DCAF1: variants seen among roughly 807,000 people sequenced by gnomAD.
DCAF1 encodes the protein DDB1 and CUL4 associated factor 1.
Under a neutral mutation model 128.0 loss-of-function variants are expected in DCAF1, and 15 were observed. The observed-to-expected ratio is 0.12, with a 90% confidence interval of 0.08 to 0.18. The LOEUF (loss-of-function observed/expected upper bound fraction) is 0.18, where lower values mean the gene tolerates loss of function less well. Among genes scored for constraint, DCAF1 ranks in the 10% least tolerant of loss-of-function variants. The pLI is 1.00. For missense variants in DCAF1, 988 were observed against 1,649.5 expected (o/e 0.60, Z 6.95); for synonymous variants, 610 against 603.0 (o/e 1.01, Z -0.17).
intron 23 of DCAF1, among the ~76,000 whole-genome samples, chr3:51,411,609 A>G (rs1429453171): frequency 1.3e-5 from 2 of 152,352 alleles, no homozygotes; most frequent in Non-Finnish European, 2.9e-5. Flanking sequence ...TCTCAAAAGT[A>G]TCAAAATCTT....
At chr3:51,461,831 A>G (rs1703617235) in intron 6 of DCAF1, among the ~76,000 whole-genome samples, 1 of 152,182 alleles carries the variant, frequency 6.6e-6, no homozygotes, top group East Asian at 1.9e-4. Context: ...CAAACACCGC[A>G]TGTTCTCACT....
At chr3:51,417,414 G>A (rs1480585358) in intron 17 of DCAF1, among the ~76,000 whole-genome samples, 8 of 152,034 alleles carry the variant, frequency 5.3e-5, no homozygotes, top group Non-Finnish European at 8.8e-5. Flanking sequence ...ATGAGACCCC[G>A]TCTAAAGAAG....
intron 11 of DCAF1, 80 bp from the exon 12 acceptor site, chr3:51,429,550 T>A (rs1300145568): frequency 1.5e-5 from 11 of 726,792 alleles, no homozygotes; most frequent in Non-Finnish European, 2.6e-5. Context: ...AAAGGGAAAA[T>A]ATTTTAGTAA....
In DCAF1 at chr3:51,429,429, T is replaced by C. The variant is rs778584239; in HGVS notation, c.1509A>G (p.Ala503=). The C allele has an allele frequency of 3.7e-5, 29 of 780,784 alleles. No homozygotes were observed. The highest frequency in any genetic ancestry group is 6.5e-5 in the Non-Finnish European group (27 of 418,006). 48.4% of individuals were successfully genotyped at this position (780,784 alleles called of 1,614,324 possible). A position where few individuals can be genotyped will look rare whatever the true frequency, so the allele number is the denominator to read the frequency against. The change falls in exon 12 of 25, where the codon GCA becomes GCG. Residue 503 remains alanine, a synonymous_variant. Transcript: ENST00000684031. ...CAAATATTTCATCATCACTCAGAAGTGCACCCTGATCTTCCAAATTTAGAA... is the reference window on the plus strand; with the variant it reads ...CAAATATTTCATCATCACTCAGAAGCGCACCCTGATCTTCCAAATTTAGAA... The part of the protein sequence containing the change: ...LEILNLEDQG[A]LLSDDEIFAS...
intron 2 of DCAF1, among the ~76,000 whole-genome samples, chr3:51,493,606 AAATG>A (rs1194924748): frequency 6.6e-6 from 1 of 152,212 alleles, no homozygotes; most frequent in Non-Finnish European, 1.5e-5. Context: ...TCAGTCATAG[AAATG>A]AATGAAGTAG....
At chr3:51,473,501 A>G (rs111719304) in intron 3 of DCAF1, among the ~76,000 whole-genome samples, 1 of 142,864 alleles carries the variant, frequency 7.0e-6, no homozygotes, top group Non-Finnish European at 1.5e-5. Context: ...AAAAAAAAAA[A>G]CAAAAAACAA....
At chr3:51,500,409 A>G (rs1234222216), upstream of DCAF1, among the ~76,000 whole-genome samples, 2 of 152,202 alleles carry the variant, frequency 1.3e-5, no homozygotes, top group African/African-American at 2.4e-5. Flanking sequence ...GTGTGCGCAA[A>G]GAGCCTCTGT....
chr3:51,412,295 C>T, intron 23 of DCAF1, 84 bp downstream of exon 23: 6 of 1,584,546 alleles, frequency 3.8e-6, no homozygotes, highest in Non-Finnish European at 5.1e-6. Flanking sequence ...GTTGAGTAGA[C>T]CTTTAAAACC....
chr3:51,476,433 A>G (rs559547342), intron 3 of DCAF1, among the ~76,000 whole-genome samples: 1 of 151,786 alleles, frequency 6.6e-6, no homozygotes, highest in Non-Finnish European at 1.5e-5. Flanking sequence ...AAAACAGTTA[A>G]TTTAGGGTAG....
At chr3:51,484,321 A>T (rs1446473565) in intron 2 of DCAF1, among the ~76,000 whole-genome samples, 1 of 151,760 alleles carries the variant, frequency 6.6e-6, no homozygotes, top group Non-Finnish European at 1.5e-5. Context: ...AAAAATACAA[A>T]AATTATCTGG....
chr3:51,499,025 G>A (rs562882683), intron 1 of DCAF1, among the ~76,000 whole-genome samples: 1 of 152,294 alleles, frequency 6.6e-6, no homozygotes, highest in South Asian at 2.1e-4. Context: ...AGACCAACAT[G>A]ACATGGCCAA....
intron 9 of DCAF1, 132 bp downstream of exon 9, chr3:51,440,838 G>A (rs577633098): frequency 7.6e-5 from 49 of 643,402 alleles, no homozygotes; most frequent in African/African-American, 5.4e-4. Context: ...CCCAGGAGGC[G>A]GAGGTTGCAG....
At chr3:51,485,812 CTGGA>C (rs1432838014) in intron 2 of DCAF1, among the ~76,000 whole-genome samples, 1 of 152,026 alleles carries the variant, frequency 6.6e-6, no homozygotes, top group Non-Finnish European at 1.5e-5. Context: ...TTCATGTCAC[CTGGA>C]TTACACATAA....
chr3:51,498,821 T>C (rs1010387144), intron 1 of DCAF1, among the ~76,000 whole-genome samples: 1 of 152,122 alleles, frequency 6.6e-6, no homozygotes, highest in Admixed American at 6.5e-5. Flanking sequence ...AATCTAAATA[T>C]ACACATTTAC....
chr3:51,404,315 CAAT>C (rs1484024313), intron 23 of DCAF1, among the ~76,000 whole-genome samples: 1 of 152,138 alleles, frequency 6.6e-6, no homozygotes, highest in African/African-American at 2.4e-5. Flanking sequence ...CTAATTGTTA[CAAT>C]AATAAAATGT....
chr3:51,430,892 T>C (rs1456338933), intron 10 of DCAF1, among the ~76,000 whole-genome samples: 2 of 152,186 alleles, frequency 1.3e-5, no homozygotes, highest in Admixed American at 6.5e-5. Flanking sequence ...CAAATAAGAA[T>C]ATTAGAAAAA....
At chr3:51,480,209 T>A (rs192713218) in intron 3 of DCAF1, among the ~76,000 whole-genome samples, 1 of 152,054 alleles carries the variant, frequency 6.6e-6, no homozygotes, top group African/African-American at 2.4e-5. Flanking sequence ...TTGAACTACT[T>A]CTTCTAAGGA....
rs1023049252 is a variant in DCAF1, at chr3:51,423,769, A to C, written c.1848-1338T>G. On this transcript the variant is annotated intron_variant, in intron 13 of 24. Coordinates refer to ENST00000684031, the MANE Select transcript of DCAF1 (RefSeq NM_001387579.1). ...TGGGAGGCAGAGGCTACAGTGAGCCAAGATCACACCACTGCACTCGAGCTT... is the reference window on the plus strand; with the variant it reads ...TGGGAGGCAGAGGCTACAGTGAGCCCAGATCACACCACTGCACTCGAGCTT... Among the ~76,000 whole-genome samples, 7 of 151,406 alleles carry C rather than the reference A, an allele frequency of 4.6e-5. No homozygotes were observed. The East Asian group carries it at 1.4e-3, about 29-fold the overall frequency.
chr3:51,500,726 T>A (rs1708759619), upstream of DCAF1, among the ~76,000 whole-genome samples: 1 of 151,778 alleles, frequency 6.6e-6, no homozygotes, highest in Non-Finnish European at 1.5e-5. Context: ...TGTATGTGCG[T>A]GTTTGGTAGA....
Sources: allele counts gnomAD v4.1 joint callset (sites outside exome capture counted in the v4.1 genomes callset), GRCh38; gene constraint gnomAD v4.1.1; transcripts MANE v1.5; gene names NCBI Gene and HGNC (gene_info 2026-07-23, HGNC 2026-07-21).